MKLN1: variants seen among roughly 807,000 people sequenced by gnomAD.
MKLN1 encodes muskelin 1.
MKLN1 carries 18 observed loss-of-function variants against 99.0 expected under a neutral mutation model. That is an observed-to-expected ratio of 0.18 (90% confidence interval 0.13 to 0.27). MKLN1 has a LOEUF of 0.27. Among genes scored for constraint, MKLN1 ranks in the 10% least tolerant of loss-of-function variants. The pLI is 1.00. For synonymous variants in MKLN1, 288 were observed against 293.2 expected (o/e 0.98, Z 0.18); for missense variants, 621 against 875.9 (o/e 0.71, Z 3.67).
intron 1 of MKLN1, among the ~76,000 whole-genome samples, chr7:131,133,818 TG>T (rs150407901): frequency 0.5 from 20,547 of 41,434 alleles, 6,422 homozygotes; most frequent in Non-Finnish European, 0.57. Flanking sequence ...TTTTTTAATT[TG>T]GTTTTTTTTT....
chr7:131,288,852 T>C (rs1798172665), intron 3 of MKLN1, among the ~76,000 whole-genome samples: 1 of 152,246 alleles, frequency 6.6e-6, no homozygotes, highest in African/African-American at 2.4e-5. Flanking sequence ...TCTGTGTATC[T>C]TTTAGTTTCT....
chr7:131,345,649 G>A (rs1324225901), intron 1 of MKLN1, among the ~76,000 whole-genome samples: 1 of 152,104 alleles, frequency 6.6e-6, no homozygotes, highest in Non-Finnish European at 1.5e-5. Flanking sequence ...AGGAATTCGA[G>A]GCTGCAGTGA....
intron 9 of MKLN1, among the ~76,000 whole-genome samples, chr7:131,437,463 A>C (rs1427063666): frequency 1.3e-5 from 2 of 152,222 alleles, no homozygotes; most frequent in African/African-American, 4.8e-5. Context: ...AAATGACTAA[A>C]ATGCAGTGCA....
chr7:131,411,891 A>ATTGTACTCCGGCC (rs1794886697), intron 7 of MKLN1, among the ~76,000 whole-genome samples: 1 of 130,834 alleles, frequency 7.6e-6, no homozygotes, highest in Admixed American at 8.7e-5. Flanking sequence ...TGGGAGACAG[A>ATTGTACTCCGGCC]TGGAGATTCC....
At position 131,308,916 on chromosome 7, in the gene MKLN1, A is replaced by G. The variant is rs1269433983; in HGVS notation, c.-178-66508A>G. ...GTTCCTTATAGCAATGTGAGAATGG[A>G]CGAATACAGATTTTACTCTCTGTAA... On this transcript the variant is annotated intron_variant, in intron 3 of 7. Coordinates refer to the MKLN1 transcript ENST00000416992. Among the ~76,000 whole-genome samples the G allele has an allele frequency of 2.0e-5, 3 of 152,190 alleles. No individual in the cohort carries two copies. In the South Asian group the frequency reaches 6.2e-4, roughly 32 times the overall value.
At chr7:131,410,674 G>A (rs1794847818) in intron 6 of MKLN1, among the ~76,000 whole-genome samples, 1 of 152,078 alleles carries the variant, frequency 6.6e-6, no homozygotes, top group Non-Finnish European at 1.5e-5. Context: ...ATGAATCCAT[G>A]TCATTATAGG....
rs141386479 is a variant in MKLN1 at position 131,214,966 on chromosome 7, T to C, written c.-179+11992T>C. Among the ~76,000 whole-genome samples the C allele has an allele frequency of 8.1e-3, 1,228 of 152,314 alleles. 7 individuals are homozygous for C. The highest frequency in any genetic ancestry group is 0.013 in the Non-Finnish European group (872 of 68,024). ...CTATATTGTTTATGGCTATTAAGTA[T>C]GTTATCTTTTGTTTGCTAGTAAATG... On this transcript the variant is annotated intron_variant, in intron 3 of 7. Coordinates refer to the MKLN1 transcript ENST00000416992.
chr7:131,343,615 C>G (rs1799471851), intron 1 of MKLN1, among the ~76,000 whole-genome samples: 2 of 151,984 alleles, frequency 1.3e-5, no homozygotes, highest in Admixed American at 1.3e-4. Flanking sequence ...TTCTGCATAT[C>G]AGAAGATAAC....
chr7:131,433,537 C>T (rs1452673679), intron 9 of MKLN1, among the ~76,000 whole-genome samples: 2 of 152,166 alleles, frequency 1.3e-5, no homozygotes, highest in Non-Finnish European at 2.9e-5. Flanking sequence ...TAAAGCTTTT[C>T]CCAAAATGGT....
At chr7:131,166,867 G>A (rs1796134071) in intron 2 of MKLN1, among the ~76,000 whole-genome samples, 1 of 151,966 alleles carries the variant, frequency 6.6e-6, no homozygotes, top group Non-Finnish European at 1.5e-5. Context: ...TGTATTTTTA[G>A]TAGAGACAGG....
At chr7:131,254,767 C>T (rs985133108) in intron 3 of MKLN1, among the ~76,000 whole-genome samples, 17 of 151,286 alleles carry the variant, frequency 1.1e-4, no homozygotes, top group African/African-American at 2.7e-4. Flanking sequence ...GAAAAAAGAA[C>T]GAAGAAATAT....
At chr7:131,305,127 G>A (rs1225598714) in intron 3 of MKLN1, among the ~76,000 whole-genome samples, 1 of 152,204 alleles carries the variant, frequency 6.6e-6, no homozygotes, top group Non-Finnish European at 1.5e-5. Flanking sequence ...CACCAGAACT[G>A]TGAGAAATGA....
intron 3 of MKLN1, among the ~76,000 whole-genome samples, chr7:131,224,995 C>A (rs1379803126): frequency 6.6e-6 from 1 of 151,962 alleles, no homozygotes; most frequent in African/African-American, 2.4e-5. Flanking sequence ...ATGGTGCGAA[C>A]CCGGGAGGCG....
chr7:131,228,333 G>A (rs1413943650), intron 3 of MKLN1, among the ~76,000 whole-genome samples: 1 of 152,062 alleles, frequency 6.6e-6, no homozygotes, highest in Non-Finnish European at 1.5e-5. Flanking sequence ...TAACATTCTT[G>A]AGCTCAAGAT....
intron 6 of MKLN1, among the ~76,000 whole-genome samples, chr7:131,401,022 G>A (rs1046440038): frequency 6.6e-6 from 1 of 152,066 alleles, no homozygotes. Flanking sequence ...GGACAAATAA[G>A]GAAGTAAACA....
At chr7:131,245,054 C>A (rs1490563319) in intron 3 of MKLN1, among the ~76,000 whole-genome samples, 2 of 152,150 alleles carry the variant, frequency 1.3e-5, no homozygotes, top group Non-Finnish European at 2.9e-5. Context: ...CTTGTTGGTG[C>A]CTCCTGGGCA....
chr7:131,123,612 A>T (rs1412070969), intron 1 of MKLN1, among the ~76,000 whole-genome samples: 2 of 152,094 alleles, frequency 1.3e-5, no homozygotes, highest in Non-Finnish European at 2.9e-5. Context: ...ACATGGTGAA[A>T]CCCTGTCTCT....
At chr7:131,124,540 A>G (rs1341868291) in intron 1 of MKLN1, among the ~76,000 whole-genome samples, 1 of 152,128 alleles carries the variant, frequency 6.6e-6, no homozygotes, top group Non-Finnish European at 1.5e-5. Context: ...GAAAGTCACC[A>G]TTAGTATCGG....
At chr7:131,264,870 A>G (rs1797784937) in intron 3 of MKLN1, among the ~76,000 whole-genome samples, 1 of 151,724 alleles carries the variant, frequency 6.6e-6, no homozygotes, top group Non-Finnish European at 1.5e-5. Flanking sequence ...ACAGAGTCTT[A>G]CTCTGTCACC....
Sources: allele counts gnomAD v4.1 joint callset (sites outside exome capture counted in the v4.1 genomes callset), GRCh38; gene constraint gnomAD v4.1.1; transcripts MANE v1.5; gene names NCBI Gene and HGNC (gene_info 2026-07-23, HGNC 2026-07-21).